PPP1R13B: variants seen among roughly 807,000 people sequenced by gnomAD.
PPP1R13B encodes apoptosis-stimulating of p53 protein 1.
Under a neutral mutation model 119.8 loss-of-function variants are expected in PPP1R13B, and 44 were observed. The observed-to-expected ratio is 0.37, with a 90% CI of 0.29 to 0.47. The LOEUF is 0.47. Among genes scored for constraint, PPP1R13B ranks in the 20% least tolerant of loss-of-function variants. The pLI, the probability that PPP1R13B is intolerant of heterozygous loss-of-function variation, is 0.99. For synonymous variants in PPP1R13B, 542 were observed against 561.5 expected, an observed-to-expected ratio of 0.97 and a Z score of 0.49; for missense variants, 1,227 against 1,413.5, an observed-to-expected ratio of 0.87 and a Z score of 2.12.
intron 12 of PPP1R13B, 115 bp from the exon 13 acceptor site, chr14:103,739,138 G>A (rs2084185131): frequency 1.4e-6 from 2 of 1,441,500 alleles, no homozygotes; most frequent in African/African-American, 2.8e-5. Context: ...GCTCCGCGAA[G>A]CAGCCCTGGA....
chr14:103,737,871 G>T lies in PPP1R13B; in HGVS notation c.2865-11C>A. ...CAGTGCAGCGGCGTCCTGGAATAGA[G>T]CGTGGGTGAAGGTGCAGGCCTGGCA... On this transcript the variant is annotated splice_polypyrimidine_tract_variant and intron_variant, in intron 14 of 16. Transcript: ENST00000202556. 1 of 1,611,394 alleles carries T rather than the reference G, an allele frequency of 6.2e-7. No homozygotes were observed. Among genetic ancestry groups the T allele is most frequent in the Non-Finnish European group, 8.5e-7 (1 of 1,178,786 alleles).
In PPP1R13B at chr14:103,847,447, G is replaced by A. The variant is rs2087079832; in HGVS notation, c.-140C>T. 3.0e-6 allele frequency: 3 copies of A among 1,001,880 alleles called. No individual in the cohort carries two copies. The highest frequency in any genetic ancestry group is 3.6e-6 in the Non-Finnish European group (3 of 842,172). 62.1% of individuals were successfully genotyped at this position (1,001,880 alleles called of 1,614,324 possible). ...GCCCGGCCGCGGCGAGGCGGCAGCT[G>A]CGGCGGGCTGCGGGGCTCTCGCTGG... On this transcript the variant is annotated 5_prime_UTR_variant, in exon 1 of 17. Transcript: ENST00000202556.
rs2085471800 is a variant in PPP1R13B, at chr14:103,786,749, G to A, written c.158-1835C>T. 4.9e-5 allele frequency among the ~76,000 whole-genome samples: 5 copies of A among 102,392 alleles called. No individual in the cohort carries two copies. The South Asian group carries it at 1.7e-3, about 35-fold the overall frequency. The allele number at this position is 102,392 out of a possible 152,430, so 67.2% of individuals were successfully genotyped here. On this transcript the variant is annotated intron_variant, in intron 2 of 16. Coordinates refer to ENST00000202556, the MANE Select transcript of PPP1R13B (RefSeq NM_015316.3). ...CATTACACTGCAGCCTGAGCAATAA[G>A]AGAGAAAACTCTGTCTCAAAAAAAA...
intron 1 of PPP1R13B, among the ~76,000 whole-genome samples, chr14:103,820,477 C>T (rs1471354845): frequency 2.6e-5 from 4 of 151,440 alleles, no homozygotes; most frequent in African/African-American, 9.7e-5. Context: ...ATTCAATAAA[C>T]ATTCACATTA....
intron 4 of PPP1R13B, chr14:103,762,817 C>G (rs2084841925): frequency 9.9e-6 from 9 of 911,870 alleles, no homozygotes; most frequent in Non-Finnish European, 1.6e-5. Flanking sequence ...TGAATAAAAA[C>G]AGGAAGGAGA....
chr14:103,847,270 G>A lies in PPP1R13B; in HGVS notation c.9+29C>T, dbSNP rs771280446. ...TGGCCAGCGGCCCGCGGAGGAAGCC[G>A]CCGCCACCTCCCGCCCGCCCTCACC... On this transcript the variant is annotated intron_variant, in intron 1 of 16. Coordinates refer to ENST00000202556, the MANE Select transcript of PPP1R13B (RefSeq NM_015316.3). 1.3e-5 allele frequency: 16 copies of A among 1,194,330 alleles called. 1 individual carries two copies. In the South Asian group the frequency reaches 3.3e-4, roughly 25 times the overall value. 74.0% of individuals were successfully genotyped at this position (1,194,330 alleles called of 1,614,324 possible).
intron 1 of PPP1R13B, among the ~76,000 whole-genome samples, chr14:103,823,734 T>C (rs2086467271): frequency 6.6e-6 from 1 of 152,186 alleles, no homozygotes; most frequent in Non-Finnish European, 1.5e-5. Context: ...CTGGACTTTG[T>C]GCTGATCACT....
intron 4 of PPP1R13B, among the ~76,000 whole-genome samples, chr14:103,769,203 A>T (rs970647436): frequency 6.6e-6 from 1 of 152,090 alleles, no homozygotes; most frequent in Non-Finnish European, 1.5e-5. Flanking sequence ...CTCCTGCTTA[A>T]GCCTCCCGAG....
chr14:103,789,984 G>A (rs951057550), intron 2 of PPP1R13B, among the ~76,000 whole-genome samples: 5 of 151,984 alleles, frequency 3.3e-5, no homozygotes, highest in Non-Finnish European at 5.9e-5. Flanking sequence ...GGTGGCTCAC[G>A]TCCATAATCC....
chr14:103,740,560 G>A lies in PPP1R13B; in HGVS notation c.1856C>T (p.Thr619Ile). 1.3e-6 allele frequency: 2 copies of A among 1,547,240 alleles called. No homozygotes were observed. The highest frequency in any genetic ancestry group is 1.7e-4 in the Middle Eastern group (1 of 5,730). The change falls in exon 12 of 17, where the codon ACC (threonine) becomes ATC (isoleucine). Residue 619 changes from threonine (T) to isoleucine (I), a missense_variant. Coordinates refer to ENST00000202556, the MANE Select transcript of PPP1R13B (RefSeq NM_015316.3). This position sits in a 1 kb window ranked among gnomAD's most constrained non-coding sequence, Gnocchi z 4.6. The part of the protein sequence containing the change: ...YGKPVLPSGS[T>I]SPSPLPFLHG... ...AAGAAACGGCAGCGGCGATGGAGAGGTTGAACCCGAAGGTAAAACGGGCTT... is the reference window on the plus strand; with the variant it reads ...AAGAAACGGCAGCGGCGATGGAGAGATTGAACCCGAAGGTAAAACGGGCTT...
At chr14:103,821,240 T>C (rs2086399036) in intron 1 of PPP1R13B, among the ~76,000 whole-genome samples, 1 of 152,192 alleles carries the variant, frequency 6.6e-6, no homozygotes, top group African/African-American at 2.4e-5. Flanking sequence ...TCACTGAATA[T>C]TAAAGGAGGT....
intron 15 of PPP1R13B, 62 bp downstream of exon 15, chr14:103,737,632 C>T: frequency 6.4e-7 from 1 of 1,553,164 alleles, no homozygotes; most frequent in South Asian, 1.2e-5. Flanking sequence ...CACCGGCTGA[C>T]TGTTGCCATG....
At chr14:103,773,285 A>G (rs746440301) in intron 4 of PPP1R13B, among the ~76,000 whole-genome samples, 5 of 152,186 alleles carry the variant, frequency 3.3e-5, no homozygotes, top group Admixed American at 3.3e-4. Flanking sequence ...AAGGTCTAAT[A>G]AGAGTTCCAA....
intron 3 of PPP1R13B, among the ~76,000 whole-genome samples, chr14:103,782,004 TCTTTA>T (rs1390127496): frequency 2.0e-5 from 3 of 152,100 alleles, no homozygotes; most frequent in Non-Finnish European, 4.4e-5. Flanking sequence ...TTCCTTATTT[TCTTTA>T]AATTTTAATT....
intron 1 of PPP1R13B, among the ~76,000 whole-genome samples, chr14:103,830,521 A>C (rs1463439581): frequency 2.6e-5 from 4 of 152,218 alleles, no homozygotes; most frequent in Non-Finnish European, 5.9e-5. Context: ...TAACTCACCC[A>C]AGATTACAGG....
Position 103,749,837 on chromosome 14 carries a change from C to G in PPP1R13B, c.926G>C (p.Arg309Pro). 1 of 1,614,028 alleles carries G rather than the reference C, an allele frequency of 6.2e-7. No individual in the cohort carries two copies. Among genetic ancestry groups the G allele is most frequent in the Non-Finnish European group, 8.5e-7 (1 of 1,180,002 alleles). Residue 309 changes from arginine (R) to proline (P), a missense_variant, in exon 8 of 17, where the codon CGA becomes CCA. Coordinates refer to ENST00000202556, the MANE Select transcript of PPP1R13B (RefSeq NM_015316.3). Reference protein sequence around the residue: ...RNMEVAMMDKRISELRERLYG... With the variant: ...RNMEVAMMDKPISELRERLYG... Reference sequence around the variant, plus strand: ...GAGACGTTCACGCAGTTCACTGATTCGCTTGTCCATCATGGCCACCTCCAT... The same window carrying G: ...GAGACGTTCACGCAGTTCACTGATTGGCTTGTCCATCATGGCCACCTCCAT...
chr14:103,745,810 T>C (rs2084372232), intron 9 of PPP1R13B, among the ~76,000 whole-genome samples: 1 of 152,028 alleles, frequency 6.6e-6, no homozygotes, highest in African/African-American at 2.4e-5. Flanking sequence ...TTTTGTTTTG[T>C]TTTGTTTTGT....
At chr14:103,762,721 G>A in intron 4 of PPP1R13B, 6 of 645,486 alleles carry the variant, frequency 9.3e-6, no homozygotes, top group African/African-American at 1.8e-5. Flanking sequence ...GGTGTCGGCG[G>A]TGGCCGTGGG....
At chr14:103,844,658 G>A (rs892548611) in intron 1 of PPP1R13B, among the ~76,000 whole-genome samples, 2 of 152,122 alleles carry the variant, frequency 1.3e-5, no homozygotes, top group African/African-American at 2.4e-5. Flanking sequence ...GAACCTGGGA[G>A]GTGGAGGTTG....
Sources: gnomAD v4.1 joint callset for allele counts (sites outside exome capture counted in the v4.1 genomes callset) on GRCh38, gnomAD v4.1.1 for gene constraint, Gnocchi (gnomAD v3.1) non-coding constraint, MANE v1.5 for transcripts, NCBI Gene and HGNC (gene_info 2026-07-23, HGNC 2026-07-21) for gene names.